WDR70: variants seen among roughly 807,000 people sequenced by gnomAD.
The protein encoded by WDR70 is WD repeat domain 70, also known as WD repeat-containing protein 70.
In WDR70, 53 loss-of-function variants were observed where a neutral mutation model predicts 88.6. The observed-to-expected ratio is 0.60, with a 90% CI of 0.48 to 0.75. The LOEUF is 0.75. Ranked by LOEUF, WDR70 falls within the 30% of genes least tolerant of loss-of-function variation. The pLI is 0.00. For synonymous variants in WDR70, 280 were observed against 270.0 expected, an observed-to-expected ratio of 1.04 and a Z score of -0.36; for missense variants, 610 against 823.2, an observed-to-expected ratio of 0.74 and a Z score of 3.17.
intron 11 of WDR70, among the ~76,000 whole-genome samples, chr5:37,698,433 A>G (rs1257099185): frequency 6.6e-6 from 1 of 152,126 alleles, no homozygotes; most frequent in Non-Finnish European, 1.5e-5. Flanking sequence ...AAGAAATAGC[A>G]TGGTAAGTAG....
chr5:37,703,956 A>AT (rs1747243482), intron 13 of WDR70, among the ~76,000 whole-genome samples: 1 of 152,218 alleles, frequency 6.6e-6, no homozygotes, highest in South Asian at 2.1e-4. Context: ...CAGTTGAGAC[A>AT]TATTATGCAC....
At chr5:37,582,027 A>C (rs1479186250) in intron 9 of WDR70, among the ~76,000 whole-genome samples, 1 of 152,076 alleles carries the variant, frequency 6.6e-6, no homozygotes, top group Non-Finnish European at 1.5e-5. Flanking sequence ...AAAAATCTTT[A>C]GTAGTACCTG....
chr5:37,435,107 G>A (rs1199848233), intron 5 of WDR70, among the ~76,000 whole-genome samples: 2 of 152,074 alleles, frequency 1.3e-5, no homozygotes, highest in South Asian at 2.1e-4. Flanking sequence ...TATTTAAATG[G>A]TTAATTCACT....
intron 7 of WDR70, among the ~76,000 whole-genome samples, chr5:37,464,811 G>T (rs1222768494): frequency 6.6e-6 from 1 of 152,202 alleles, no homozygotes; most frequent in Non-Finnish European, 1.5e-5. Context: ...GCTGGATCTG[G>T]ACACTGGAGA....
chr5:37,451,702 A>G (rs1738679559), intron 7 of WDR70, among the ~76,000 whole-genome samples: 1 of 152,160 alleles, frequency 6.6e-6, no homozygotes, highest in Admixed American at 6.6e-5. Flanking sequence ...TTTTTAAATG[A>G]AGAAAAAGTG....
chr5:37,656,865 G>A (rs533970435), intron 10 of WDR70, among the ~76,000 whole-genome samples: 1 of 152,314 alleles, frequency 6.6e-6, no homozygotes, highest in African/African-American at 2.4e-5. Flanking sequence ...CAAGCCAGCG[G>A]ATCTTAGCTC....
At chr5:37,544,091 GA>G (rs1561895495) in intron 9 of WDR70, among the ~76,000 whole-genome samples, 1 of 152,248 alleles carries the variant, frequency 6.6e-6, no homozygotes, top group East Asian at 1.9e-4. Flanking sequence ...GTTTTTGGAG[GA>G]TATCTTTTCA....
chr5:37,502,986 C>T (rs1740449828), intron 8 of WDR70, among the ~76,000 whole-genome samples: 1 of 152,150 alleles, frequency 6.6e-6, no homozygotes, highest in Admixed American at 6.5e-5. Context: ...TGGCTGGGGA[C>T]AAATACACAA....
intron 8 of WDR70, among the ~76,000 whole-genome samples, chr5:37,502,262 T>A (rs1740425828): frequency 6.6e-6 from 1 of 152,146 alleles, no homozygotes; most frequent in East Asian, 1.9e-4. Flanking sequence ...TGGTTGCCCT[T>A]TATTTTTTTT....
chr5:37,546,311 T>C (rs1044450932), intron 9 of WDR70, among the ~76,000 whole-genome samples: 12 of 152,242 alleles, frequency 7.9e-5, no homozygotes, highest in African/African-American at 2.4e-5. Context: ...TTACGCAGAA[T>C]GTTGCTCACG....
At chr5:37,731,410 A>G (rs376348046) in intron 17 of WDR70, among the ~76,000 whole-genome samples, 11 of 152,198 alleles carry the variant, frequency 7.2e-5, no homozygotes, top group South Asian at 4.1e-4. Flanking sequence ...GGATAATATG[A>G]TAACAACTAA....
chr5:37,648,970 G>A (rs1745317343), intron 10 of WDR70, among the ~76,000 whole-genome samples: 1 of 152,108 alleles, frequency 6.6e-6, no homozygotes, highest in African/African-American at 2.4e-5. Flanking sequence ...ATGATCTTTA[G>A]AAATTGTTTA....
intron 7 of WDR70, among the ~76,000 whole-genome samples, chr5:37,463,143 G>C (rs778776273): frequency 1.3e-5 from 2 of 152,048 alleles, no homozygotes; most frequent in Non-Finnish European, 2.9e-5. Flanking sequence ...ATGGTGGCAC[G>C]CACCTGTAAT....
intron 8 of WDR70, among the ~76,000 whole-genome samples, chr5:37,497,208 C>A (rs1462161358): frequency 6.9e-6 from 1 of 145,366 alleles, no homozygotes. Flanking sequence ...CCTCCGTCCT[C>A]CCTCCATCCT....
intron 9 of WDR70, among the ~76,000 whole-genome samples, chr5:37,559,998 TATTG>T (rs1742451604): frequency 6.6e-6 from 1 of 152,214 alleles, no homozygotes; most frequent in African/African-American, 2.4e-5. Context: ...TTATTGTATT[TATTG>T]ATTATGCTAA....
intron 8 of WDR70, among the ~76,000 whole-genome samples, chr5:37,499,312 C>T (rs1001881174): frequency 6.6e-6 from 1 of 151,864 alleles, no homozygotes; most frequent in African/African-American, 2.4e-5. Context: ...TGGGGTTTCA[C>T]CATGTTGGCC....
chr5:37,455,906 T>G (rs1176621976), intron 7 of WDR70, among the ~76,000 whole-genome samples: 2 of 152,128 alleles, frequency 1.3e-5, no homozygotes, highest in East Asian at 3.8e-4. Flanking sequence ...ACCACTGATG[T>G]GATTTTGCCT....
chr5:37,621,241 G>A (rs1309096853), intron 10 of WDR70, among the ~76,000 whole-genome samples: 1 of 151,940 alleles, frequency 6.6e-6, no homozygotes, highest in Non-Finnish European at 1.5e-5. Flanking sequence ...CTTGTCATAT[G>A]TATACATCAC....
rs142415479 is a variant in WDR70, at chr5:37,449,797, G to A, written c.686+6425G>A. ...AAGTTCTGGGATACATGTGCAGAAC[G>A]TGCAGGTTTGTTACATAGGTATACA... On this transcript the variant is annotated intron_variant, in intron 7 of 17. Coordinates refer to ENST00000265107, the MANE Select transcript of WDR70 (RefSeq NM_018034.4). 3.0e-3 allele frequency among the ~76,000 whole-genome samples: 459 copies of A among 151,896 alleles called. 5 individuals carry two copies. The highest frequency in any genetic ancestry group is 0.011 in the African/African-American group (444 of 41,380).
Sources: gnomAD v4.1 joint callset for allele counts (sites outside exome capture counted in the v4.1 genomes callset) on GRCh38, gnomAD v4.1.1 for gene constraint, MANE v1.5 for transcripts, NCBI Gene and HGNC (gene_info 2026-07-23, HGNC 2026-07-21) for gene names.